MBNL1: variants seen among roughly 807,000 people sequenced by gnomAD.
MBNL1 encodes muscleblind like splicing regulator 1, also known as muscleblind-like protein 1.
MBNL1 carries 8 observed loss-of-function variants against 42.2 expected under a neutral mutation model. The ratio of observed to expected loss-of-function variants is 0.19; its 90% CI spans 0.11 to 0.34. The LOEUF is 0.34. Ranked by LOEUF, MBNL1 falls within the 10% of genes least tolerant of loss-of-function variation. MBNL1 has a pLI of 1.00. For synonymous variants in MBNL1, 169 were observed against 173.9 expected (o/e 0.97, Z 0.22); for missense variants, 309 against 495.3 (o/e 0.62, Z 3.57).
chr3:152,363,814 A>G (rs1305667432), intron 2 of MBNL1, among the ~76,000 whole-genome samples: 2 of 152,076 alleles, frequency 1.3e-5, no homozygotes, highest in Admixed American at 6.6e-5. Context: ...TCATTACCTT[A>G]TTTGATATAT....
intron 2 of MBNL1, among the ~76,000 whole-genome samples, chr3:152,404,347 G>A (rs757970326): frequency 7.2e-5 from 11 of 152,154 alleles, no homozygotes; most frequent in Non-Finnish European, 1.3e-4. Context: ...GACTTCAATG[G>A]AAGAGTTACA....
At chr3:152,400,728 C>A (rs555701342) in intron 2 of MBNL1, among the ~76,000 whole-genome samples, 1 of 152,250 alleles carries the variant, frequency 6.6e-6, no homozygotes, top group Admixed American at 6.5e-5. Flanking sequence ...TTTATGCCAT[C>A]CATTGCACTT....
chr3:152,379,146 T>G (rs2097065147), intron 2 of MBNL1, among the ~76,000 whole-genome samples: 1 of 152,366 alleles, frequency 6.6e-6, no homozygotes, highest in South Asian at 2.1e-4. Context: ...TGGAAATTAA[T>G]TAAAAATTTG....
Position 152,300,215 on chromosome 3 carries a change from A to C in MBNL1, c.22A>C (p.Ile8Leu). 1.9e-6 allele frequency: 3 copies of C among 1,608,802 alleles called. No individual in the cohort carries two copies. The highest frequency in any genetic ancestry group is 2.5e-6 in the Non-Finnish European group (3 of 1,177,076). MAVSVTP[I>L]RDTKWLTLEV... ...AAACATGGCTGTTAGTGTCACACCA[A>C]TTCGGGACACAAAATGGCTAACACT... Residue 8 changes from isoleucine to leucine, a missense_variant, in exon 2 of 10, where the codon ATT becomes CTT. By Grantham distance (5) the Ile-to-Leu change is conservative. Transcript: ENST00000324210.
intron 2 of MBNL1, among the ~76,000 whole-genome samples, chr3:152,330,594 A>T (rs919550081): frequency 6.6e-6 from 1 of 152,212 alleles, no homozygotes; most frequent in Admixed American, 6.5e-5. Flanking sequence ...CACTGAATTC[A>T]TGGAAATGCA....
chr3:152,445,581 A>G (rs1268655155), intron 5 of MBNL1, 42 bp downstream of exon 5: 1 of 1,564,096 alleles, frequency 6.4e-7, no homozygotes, highest in Non-Finnish European at 8.7e-7. Flanking sequence ...GCAGTCAGAA[A>G]AGCAAAGTGA....
At chr3:152,252,801 T>C (rs920340070) in intron 2 of MBNL1, among the ~76,000 whole-genome samples, 1 of 152,140 alleles carries the variant, frequency 6.6e-6, no homozygotes, top group African/African-American at 2.4e-5. Flanking sequence ...AGAGTAATCA[T>C]AAATATACAT....
intron 5 of MBNL1, 91 bp downstream of exon 5, chr3:152,445,630 T>C: frequency 1.4e-6 from 2 of 1,390,500 alleles, no homozygotes; most frequent in Non-Finnish European, 1.9e-6. Flanking sequence ...TTTAGTAACC[T>C]TTTTAAAAAA....
chr3:152,420,430 A>G (rs191053723), intron 3 of MBNL1, among the ~76,000 whole-genome samples: 3 of 152,202 alleles, frequency 2.0e-5, no homozygotes, highest in African/African-American at 4.8e-5. Flanking sequence ...AAAAGGCAGC[A>G]ATCATTGCTG....
At chr3:152,362,787 A>G (rs1007771276) in intron 2 of MBNL1, among the ~76,000 whole-genome samples, 3 of 152,206 alleles carry the variant, frequency 2.0e-5, no homozygotes, top group Non-Finnish European at 2.9e-5. Flanking sequence ...AAGTAAAACA[A>G]AAAAAGTAGT....
chr3:152,248,154 C>G (rs1281880767), intron 2 of MBNL1, among the ~76,000 whole-genome samples: 1 of 151,936 alleles, frequency 6.6e-6, no homozygotes, highest in African/African-American at 2.4e-5. Context: ...AATCTATTTT[C>G]TTTTGCACAA....
upstream of MBNL1, chr3:152,268,250 A>C (rs1350477070): frequency 1.3e-5 from 2 of 155,552 alleles, no homozygotes; most frequent in Non-Finnish European, 2.9e-5. Context: ...AACTAGAAGG[A>C]AAGCTGACAT....
At chr3:152,349,545 C>A (rs1316902820) in intron 2 of MBNL1, among the ~76,000 whole-genome samples, 1 of 152,014 alleles carries the variant, frequency 6.6e-6, no homozygotes, top group African/African-American at 2.4e-5. Flanking sequence ...AAAATTTTTA[C>A]TCTTGCAACT....
intron 2 of MBNL1, among the ~76,000 whole-genome samples, chr3:152,364,075 A>G (rs1164033279): frequency 1.3e-5 from 2 of 152,058 alleles, no homozygotes; most frequent in Non-Finnish European, 2.9e-5. Context: ...TCCCTACAAT[A>G]CATTAAATTC....
intron 2 of MBNL1, among the ~76,000 whole-genome samples, chr3:152,305,262 A>G (rs1368134980): frequency 6.6e-6 from 1 of 152,190 alleles, no homozygotes. Flanking sequence ...TGCCCAGTTC[A>G]GGTGAAAGGT....
chr3:152,323,802 A>G (rs1577915080), intron 2 of MBNL1, among the ~76,000 whole-genome samples: 1 of 152,168 alleles, frequency 6.6e-6, no homozygotes, highest in Admixed American at 6.6e-5. Flanking sequence ...TTGTAATCTT[A>G]TGGGACCACC....
intron 2 of MBNL1, among the ~76,000 whole-genome samples, chr3:152,307,281 G>T (rs547942756): frequency 3.9e-5 from 6 of 152,060 alleles, no homozygotes; most frequent in African/African-American, 1.4e-4. Context: ...GAGTCACCGC[G>T]CCCAGCCTAC....
intron 2 of MBNL1, among the ~76,000 whole-genome samples, chr3:152,327,391 C>G (rs1012950276): frequency 3.3e-5 from 5 of 151,928 alleles, no homozygotes; most frequent in African/African-American, 1.2e-4. Flanking sequence ...CTCTGTCACT[C>G]AGGCTGAGTG....
In MBNL1 at chr3:152,321,611, A is replaced by G. The variant is rs146123078; in HGVS notation, c.174+21244A>G. Among the ~76,000 whole-genome samples, 28 of 152,144 alleles carry G rather than the reference A, an allele frequency of 1.8e-4. No homozygotes were observed. In the East Asian group the frequency reaches 5.4e-3, roughly 29 times the overall value. On this transcript the variant is annotated intron_variant, in intron 2 of 9. Coordinates refer to ENST00000324210, the MANE Select transcript of MBNL1 (RefSeq NM_021038.5). Reference sequence around the variant, plus strand: ...ATGAGTGTAGAGGTCTTCCTTCTACATTCATTTTATTCGTTAGTAATTGAG... The same window carrying G: ...ATGAGTGTAGAGGTCTTCCTTCTACGTTCATTTTATTCGTTAGTAATTGAG...
Sources: allele counts gnomAD v4.1 joint callset (sites outside exome capture counted in the v4.1 genomes callset), GRCh38; gene constraint gnomAD v4.1.1; transcripts MANE v1.5; gene names NCBI Gene and HGNC (gene_info 2026-07-23, HGNC 2026-07-21).